Variants in CASZ1 observed in about 807,000 individuals in gnomAD.
The protein encoded by CASZ1 is castor zinc finger 1.
Under a neutral mutation model 135.2 loss-of-function variants are expected in CASZ1, and 28 were observed. That is an observed-to-expected ratio of 0.21 (90% CI 0.15 to 0.28). The LOEUF (loss-of-function observed/expected upper bound fraction) is 0.28, where lower values mean the gene tolerates loss of function less well. CASZ1 is among the 10% of genes least tolerant of loss of function. The probability of loss-of-function intolerance (pLI) is 1.00; values close to 1 mark genes in which losing one functional copy is unlikely to be tolerated. For synonymous variants in CASZ1, 1,068 were observed against 1,073.4 expected, an observed-to-expected ratio of 0.99 and a Z score of 0.10; for missense variants, 2,161 against 2,453.3, an observed-to-expected ratio of 0.88 and a Z score of 2.52.
rs1048609544 is a variant in CASZ1, at chr1:10,717,981, C to T, written c.-76-12437G>A. ...GTGCAGGGACGGGCCGAGGGGGCTA[C>T]GGAGGCCCATTCAACACTGGGCAGA... On this transcript the variant is annotated intron_variant, in intron 2 of 20. Coordinates refer to ENST00000377022, the MANE Select transcript of CASZ1 (RefSeq NM_001079843.3). The surrounding 1 kb of genome is among the most constrained non-coding windows in gnomAD (Gnocchi z 4.6). 6.6e-6 allele frequency among the ~76,000 whole-genome samples: 1 copy of T among 152,370 alleles called. No homozygotes were observed. Among genetic ancestry groups the T allele is most frequent in the South Asian group, 2.1e-4 (1 of 4,832 alleles).
At chr1:10,684,808 A>G (rs1638534547) in intron 4 of CASZ1, among the ~76,000 whole-genome samples, 1 of 152,246 alleles carries the variant, frequency 6.6e-6, no homozygotes, top group Admixed American at 6.5e-5. Context: ...CTGATGACAC[A>G]GGGCCTCTCA....
At chr1:10,728,670 G>C (rs1639639278) in intron 2 of CASZ1, among the ~76,000 whole-genome samples, 1 of 151,968 alleles carries the variant, frequency 6.6e-6, no homozygotes, top group Admixed American at 6.6e-5. Flanking sequence ...GACGGGGGTT[G>C]CCATGGAGAC....
intron 4 of CASZ1, among the ~76,000 whole-genome samples, chr1:10,685,338 T>C (rs949156811): frequency 6.6e-6 from 1 of 152,202 alleles, no homozygotes; most frequent in African/African-American, 2.4e-5. Flanking sequence ...CAGTGCCACC[T>C]GCCCCATGAA....
In CASZ1 at chr1:10,638,953, A is replaced by T; in HGVS notation, c.5269T>A (p.Ser1757Thr). Reference protein sequence around the residue: ...GAPGPAPTAASSP With the variant: ...GAPGPAPTAATSP ...ACCCGCGGGCGCCGCTAGGGCGAGG[A>T]GGCTGCAGTGGGCGCGGGGCCGGGG... Residue 1757 changes from serine to threonine, a missense_variant, in exon 21 of 21, where the codon TCC becomes ACC. Transcript: ENST00000377022. The surrounding 1 kb of genome is among the most constrained non-coding windows in gnomAD (Gnocchi z 5.9). The T allele has an allele frequency of 2.0e-6, 2 of 980,174 alleles. No homozygotes were observed. Among genetic ancestry groups the T allele is most frequent in the Non-Finnish European group, 2.4e-6 (2 of 828,220 alleles). 60.7% of individuals were successfully genotyped at this position (980,174 alleles called of 1,614,324 possible).
intron 4 of CASZ1, among the ~76,000 whole-genome samples, chr1:10,692,694 G>A (rs770258844): frequency 3.3e-5 from 5 of 152,064 alleles, no homozygotes; most frequent in Middle Eastern, 3.2e-3. Flanking sequence ...CTTCTTCACC[G>A]GCCACCGTGC....
chr1:10,677,285 G>A (rs1253669238), intron 4 of CASZ1, among the ~76,000 whole-genome samples: 2 of 152,234 alleles, frequency 1.3e-5, no homozygotes, highest in Admixed American at 1.3e-4. Flanking sequence ...TGGAGCAGGA[G>A]GGGGCAGGGG....
At position 10,706,169 on chromosome 1, in the gene CASZ1, G is replaced by A. The variant is rs1013990619; in HGVS notation, c.-76-625C>T. ...TGAGTCATCACAGCCCATGTCCAGA[G>A]ACCGTGCAGGGAGAGGGACGATGGT... On this transcript the variant is annotated intron_variant, in intron 2 of 20. Coordinates refer to ENST00000377022, the MANE Select transcript of CASZ1 (RefSeq NM_001079843.3). The surrounding 1 kb of genome is among the most constrained non-coding windows in gnomAD (Gnocchi z 4.3). 6.6e-6 allele frequency among the ~76,000 whole-genome samples: 1 copy of A among 152,258 alleles called. No homozygotes were observed. Among genetic ancestry groups the A allele is most frequent in the Admixed American group, 6.5e-5 (1 of 15,290 alleles).
chr1:10,649,491 G>C (rs1449382016), intron 13 of CASZ1, 54 bp from the exon 14 acceptor site: 2 of 1,536,450 alleles, frequency 1.3e-6, no homozygotes, highest in Non-Finnish European at 1.8e-6. Flanking sequence ...ACACAGACAC[G>C]GCAGCCTGGG....
chr1:10,736,224 C>T (rs574493639), intron 2 of CASZ1, among the ~76,000 whole-genome samples: 7 of 152,310 alleles, frequency 4.6e-5, no homozygotes, highest in South Asian at 2.1e-4. Flanking sequence ...AACTGATGGA[C>T]GCTTCAGAAT....
At chr1:10,749,671 G>A (rs1253733151) in intron 2 of CASZ1, among the ~76,000 whole-genome samples, 1 of 152,068 alleles carries the variant, frequency 6.6e-6, no homozygotes, top group African/African-American at 2.4e-5. Context: ...GTTCTAAGTG[G>A]GGCCTCTTAA....
chr1:10,648,879 A>T, intron 15 of CASZ1, 191 bp downstream of exon 15: 1 of 724,434 alleles, frequency 1.4e-6, no homozygotes, highest in Non-Finnish European at 2.2e-6. Flanking sequence ...AGGGGCTCAG[A>T]GCCCCCGGCT....
intron 13 of CASZ1, 65 bp downstream of exon 13, chr1:10,650,627 C>T (rs1056442226): frequency 7.5e-6 from 10 of 1,340,356 alleles, no homozygotes; most frequent in South Asian, 4.7e-5. Flanking sequence ...CATCCCCCCA[C>T]CCCCCAGCAC....
At chr1:10,659,645 GC>G in intron 6 of CASZ1, 56 bp downstream of exon 6, 1 of 1,387,198 alleles carries the variant, frequency 7.2e-7, no homozygotes, top group Non-Finnish European at 1.0e-6. Context: ...GAGGAAGGAG[GC>G]CTCCTGTCTA....
Position 10,647,974 on chromosome 1 carries a change from G to A in CASZ1, c.3324C>T (p.Ala1108=). The change falls in exon 16 of 21, where the codon GCC becomes GCT. Residue 1108 remains alanine, a synonymous_variant. Coordinates refer to ENST00000377022, the MANE Select transcript of CASZ1 (RefSeq NM_001079843.3). The surrounding 1 kb of genome is among the most constrained non-coding windows in gnomAD (Gnocchi z 4.9). The part of the protein sequence containing the change: ...SSLEGPAPSP[A]SVPSTPTLLA... ...GCAGGGTGGGGGTGGAGGGCACGGAGGCCGGGCTGGGAGCGGGCCCCTCCA... is the reference window on the plus strand; with the variant it reads ...GCAGGGTGGGGGTGGAGGGCACGGAAGCCGGGCTGGGAGCGGGCCCCTCCA... 2 of 1,608,924 alleles carry A rather than the reference G, an allele frequency of 1.2e-6. No individual in the cohort carries two copies. The highest frequency in any genetic ancestry group is 1.1e-5 in the South Asian group (1 of 90,540).
In CASZ1 at chr1:10,697,333, G is replaced by T. The variant is rs1638955893; in HGVS notation, c.-23-3421C>A. Reference sequence around the variant, plus strand: ...GGCTATGGCCCATCTTTGCCTTGAGGACACCTGAGACCCCAAAGCCAGGCC... The same window carrying T: ...GGCTATGGCCCATCTTTGCCTTGAGTACACCTGAGACCCCAAAGCCAGGCC... On this transcript the variant is annotated intron_variant, in intron 3 of 20. Coordinates refer to ENST00000377022, the MANE Select transcript of CASZ1 (RefSeq NM_001079843.3). This position sits in a 1 kb window ranked among gnomAD's most constrained non-coding sequence, Gnocchi z 4.7. 6.6e-6 allele frequency among the ~76,000 whole-genome samples: 1 copy of T among 151,994 alleles called. No homozygotes were observed. The highest frequency in any genetic ancestry group is 1.5e-5 in the Non-Finnish European group (1 of 68,000).
intron 2 of CASZ1, among the ~76,000 whole-genome samples, chr1:10,731,618 A>G (rs1194594159): frequency 1.3e-5 from 2 of 152,086 alleles, no homozygotes; most frequent in Non-Finnish European, 1.5e-5. Flanking sequence ...GAAAAACAAA[A>G]CGAAGTGCTT....
chr1:10,704,716 G>A (rs1453696357), intron 3 of CASZ1, among the ~76,000 whole-genome samples: 1 of 152,256 alleles, frequency 6.6e-6, no homozygotes, highest in African/African-American at 2.4e-5. Context: ...ATGATGGATG[G>A]CTGCAGCCAG....
chr1:10,714,501 T>C (rs371460983), intron 2 of CASZ1, among the ~76,000 whole-genome samples: 178 of 152,324 alleles, frequency 1.2e-3, no homozygotes, highest in African/African-American at 4.1e-3. Flanking sequence ...CCAGTGCTCC[T>C]GGCTCCGGCC....
rs374982298 is a variant in CASZ1 at position 10,659,913 on chromosome 1, C to A, written c.1129G>T (p.Asp377Tyr). ...TGKVGRPSKYDVRGIQKPGPA... is the reference protein window; with the variant it reads ...TGKVGRPSKYYVRGIQKPGPA... ...CCTGGCTTCTGGATGCCCCGGACGTCGTACTTGGAAGGGCGCCCCACCTTG... is the reference window on the plus strand; with the variant it reads ...CCTGGCTTCTGGATGCCCCGGACGTAGTACTTGGAAGGGCGCCCCACCTTG... Residue 377 changes from aspartate (D) to tyrosine (Y), a missense_variant, in exon 6 of 21, where the codon GAC becomes TAC. Asp to Tyr is a radical substitution (Grantham distance 160, BLOSUM62 -3). Transcript: ENST00000377022. The A allele has an allele frequency of 6.2e-7, 1 of 1,611,850 alleles. No individual in the cohort carries two copies. Among genetic ancestry groups the A allele is most frequent in the South Asian group, 1.1e-5 (1 of 91,032 alleles).
Sources: allele counts gnomAD v4.1 joint callset (sites outside exome capture counted in the v4.1 genomes callset), GRCh38; gene constraint gnomAD v4.1.1; non-coding constraint Gnocchi (gnomAD v3.1); transcripts MANE v1.5; gene names NCBI Gene and HGNC (gene_info 2026-07-23, HGNC 2026-07-21).